The following PABPN1 variants were observed in gnomAD, a reference collection of about 807,000 sequenced individuals.
PABPN1 encodes polyadenylate-binding protein 2.
In PABPN1, 5 loss-of-function variants were observed where a neutral mutation model predicts 33.4. The ratio of observed to expected loss-of-function variants is 0.15; its 90% CI spans 0.08 to 0.32. The LOEUF is 0.32. Ranked by LOEUF, PABPN1 falls within the 10% of genes least tolerant of loss-of-function variation. PABPN1 has a pLI of 1.00. For synonymous variants in PABPN1, 176 were observed against 170.6 expected, an observed-to-expected ratio of 1.03 and a Z score of -0.25; for missense variants, 312 against 425.8, an observed-to-expected ratio of 0.73 and a Z score of 2.35.
chr14:23,322,141 C>T (rs1434201495), intron 1 of PABPN1, 40 bp from the exon 2 acceptor site: 3 of 1,566,826 alleles, frequency 1.9e-6, no homozygotes, highest in Non-Finnish European at 2.6e-6. Context: ...TGCGTTGGTT[C>T]CTCTTAAGCT....
In PABPN1 at chr14:23,325,344, A is replaced by AG; in HGVS notation, c.*59dup. 1 of 1,531,522 alleles carries AG rather than the reference A, an allele frequency of 6.5e-7. No individual in the cohort carries two copies. Among genetic ancestry groups the AG allele is most frequent in the Non-Finnish European group, 8.8e-7 (1 of 1,139,834 alleles). 94.9% of individuals were successfully genotyped at this position (1,531,522 alleles called of 1,614,324 possible). On this transcript the variant is annotated 3_prime_UTR_variant, in exon 7 of 7. Transcript: ENST00000216727. Reference sequence around the variant, plus strand: ...AAAAGAGGAAAGAAGGAAAAAAAAAAGAATTAAAAAAAAAAAAAAGAAAAA... The same window carrying AG: ...AAAAGAGGAAAGAAGGAAAAAAAAAAGGAATTAAAAAAAAAAAAAAGAAAAA...
rs771315390 is a variant in PABPN1, at chr14:23,324,328, C to A, written c.881+39C>A. The A allele has an allele frequency of 4.4e-5, 70 of 1,605,206 alleles. No individual in the cohort carries two copies. The Admixed American group carries it at 1.2e-3, about 27-fold the overall frequency. ...GGCTGCTCCTCTTTCCCCCGCCTCCCGTGAGCCCCGTATGCTTCCTCCTCT... is the reference window on the plus strand; with the variant it reads ...GGCTGCTCCTCTTTCCCCCGCCTCCAGTGAGCCCCGTATGCTTCCTCCTCT... On this transcript the variant is annotated intron_variant, in intron 6 of 6. Coordinates refer to ENST00000216727, the MANE Select transcript of PABPN1 (RefSeq NM_004643.4).
At chr14:23,322,453 C>A in intron 2 of PABPN1, 158 bp downstream of exon 2, 2 of 706,300 alleles carry the variant, frequency 2.8e-6, no homozygotes, top group Admixed American at 2.1e-5. Context: ...GTTCCTCTGA[C>A]CTTTGTGAGG....
rs924369291 is a variant in PABPN1 at position 23,321,659 on chromosome 14, C to A, written c.190C>A (p.Pro64Thr). The change falls in exon 1 of 7, where the codon CCC becomes ACC. Residue 64 changes from proline (P) to threonine (T), a missense_variant. Around this residue, in one of 3 missense-constraint regions of PABPN1, gnomAD observed 167 missense variants for 168.9 expected, o/e 0.99. Transcript: ENST00000216727. ...GGAGCCTGAGGAGCTGCTGCTGGAG[C>A]CCGAGCCGGAGCCCGAGCCCGAAGA... Reference protein sequence around the residue: ...ELEPEELLLEPEPEPEPEEEP... With the variant: ...ELEPEELLLETEPEPEPEEEP... 2 of 1,513,390 alleles carry A rather than the reference C, an allele frequency of 1.3e-6. No individual in the cohort carries two copies. The highest frequency in any genetic ancestry group is 2.8e-5 in the African/African-American group (2 of 71,616). 93.7% of individuals were successfully genotyped at this position (1,513,390 alleles called of 1,614,324 possible).
chr14:23,322,251 A>C lies in PABPN1; in HGVS notation c.422A>C (p.Asn141Thr). The C allele has an allele frequency of 6.2e-7, 1 of 1,610,492 alleles. No homozygotes were observed. The highest frequency in any genetic ancestry group is 8.5e-7 in the Non-Finnish European group (1 of 1,178,404). The part of the protein sequence containing the change: ...EEAEKLKELQ[N>T]EVEKQMNMSP... ...GCTGAGAAGCTAAAGGAGCTACAGA[A>C]CGAGGTAGAGAAGCAGATGAATATG... The change falls in exon 2 of 7, where the codon AAC becomes ACC. Residue 141 changes from asparagine to threonine, a missense_variant. Asn to Thr is a moderately conservative substitution (Grantham distance 65, BLOSUM62 0). Coordinates refer to ENST00000216727, the MANE Select transcript of PABPN1 (RefSeq NM_004643.4).
chr14:23,323,255 A>C, intron 3 of PABPN1, 122 bp from the exon 4 acceptor site: 1 of 1,286,860 alleles, frequency 7.8e-7, no homozygotes, highest in Non-Finnish European at 1.1e-6. Context: ...AAAGAGATTA[A>C]TTCCTCAAAT....
intron 2 of PABPN1, 166 bp downstream of exon 2, chr14:23,322,461 A>C (rs1888384378): frequency 2.9e-6 from 2 of 682,146 alleles, no homozygotes; most frequent in Non-Finnish European, 5.3e-6. Context: ...GACCTTTGTG[A>C]GGCAGAACGT....
intron 3 of PABPN1, 36 bp downstream of exon 3, chr14:23,323,102 GTTC>G (rs1888448948): frequency 6.2e-7 from 1 of 1,613,184 alleles, no homozygotes. Flanking sequence ...TTGGGGGCAA[GTTC>G]TTCTTTTGGG....
rs1227496363 is a variant in PABPN1, at chr14:23,322,068, G to C, written c.352-113G>C. On this transcript the variant is annotated intron_variant, in intron 1 of 6. Coordinates refer to ENST00000216727, the MANE Select transcript of PABPN1 (RefSeq NM_004643.4). Reference sequence around the variant, plus strand: ...TTTCTTTTATCACGACCCTCGCATGGGGCGAGGGAAATGGCCGAGCATGGC... The same window carrying C: ...TTTCTTTTATCACGACCCTCGCATGCGGCGAGGGAAATGGCCGAGCATGGC... 4.4e-6 allele frequency: 5 copies of C among 1,134,646 alleles called. No homozygotes were observed. In the Admixed American group the frequency reaches 6.0e-5, roughly 14 times the overall value. 70.3% of individuals were successfully genotyped at this position (1,134,646 alleles called of 1,614,324 possible).
At chr14:23,322,627 G>A (rs1888402759) in intron 2 of PABPN1, 1 of 459,462 alleles carries the variant, frequency 2.2e-6, no homozygotes, top group Admixed American at 3.5e-5. Flanking sequence ...AGACGCTTTA[G>A]GATTCTAAGA....
Position 23,321,826 on chromosome 14 carries a change from G to A in PABPN1, c.351+6G>A, listed in dbSNP as rs752613203. 1 of 1,468,024 alleles carries A rather than the reference G, an allele frequency of 6.8e-7. No individual in the cohort carries two copies. The highest frequency in any genetic ancestry group is 9.0e-7 in the Non-Finnish European group (1 of 1,110,426). 90.9% of individuals were successfully genotyped at this position (1,468,024 alleles called of 1,614,324 possible). A position where few individuals can be genotyped will look rare whatever the true frequency, so the allele number is the denominator to read the frequency against. On this transcript the variant is annotated splice_donor_region_variant and intron_variant, in intron 1 of 6. Transcript: ENST00000216727. ...ACGGCGCCATTGAGGACCCGGTGAG[G>A]GAAGGAGGGCGAGCGAGCAGGCCGG...
At position 23,325,774 on chromosome 14, in the gene PABPN1, T is replaced by C. The variant is rs14947; in HGVS notation, c.*488T>C. On this transcript the variant is annotated 3_prime_UTR_variant, in exon 7 of 7. Coordinates refer to ENST00000216727, the MANE Select transcript of PABPN1 (RefSeq NM_004643.4). ...TCTACCACCCACCCCACCCCTCTTC[T>C]CCGGCTCCCTGCCCCTCCAGATTGC... 1 of 155,270 alleles carries C rather than the reference T, an allele frequency of 6.4e-6. No individual in the cohort carries two copies. The highest frequency in any genetic ancestry group is 1.4e-5 in the Non-Finnish European group (1 of 69,968). 9.6% of individuals were successfully genotyped at this position (155,270 alleles called of 1,614,324 possible). A position where few individuals can be genotyped will look rare whatever the true frequency, so the allele number is the denominator to read the frequency against.
At chr14:23,322,145 T>C (rs768905300) in intron 1 of PABPN1, 36 bp from the exon 2 acceptor site, 2 of 1,573,716 alleles carry the variant, frequency 1.3e-6, no homozygotes, top group South Asian at 2.3e-5. Flanking sequence ...TTGGTTCCTC[T>C]TAAGCTGTCC....
In PABPN1 at chr14:23,323,070, C is replaced by T. The variant is rs556736927; in HGVS notation, c.534+4C>T. On this transcript the variant is annotated splice_donor_region_variant and intron_variant, in intron 3 of 6. Transcript: ENST00000216727. The stretch of plus-strand genomic sequence containing the variant: ...CCGTTCCATCTATGTTGGCAATGTA[C>T]GTACTGGGGCTCTGACTGGGGTTGG... The T allele has an allele frequency of 3.0e-5, 49 of 1,614,008 alleles. No homozygotes were observed. The East Asian group carries it at 4.5e-4, about 15-fold the overall frequency.
At position 23,321,525 on chromosome 14, in the gene PABPN1, C is replaced by G; in HGVS notation, c.56C>G (p.Ser19Cys). The G allele has an allele frequency of 1.6e-6, 2 of 1,263,110 alleles. No individual in the cohort carries two copies. Among genetic ancestry groups the G allele is most frequent in the Non-Finnish European group, 2.0e-6 (2 of 1,001,980 alleles). The allele number at this position is 1,263,110 out of a possible 1,614,324, so 78.2% of individuals were successfully genotyped here. ...GCGGGGGCTGCGGGCGGTCGGGGCT[C>G]CGGGCCGGGGCGGCGGCGCCATCTT... is the stretch of plus-strand genomic sequence containing the variant. ...AAAGAAGGRGSGPGRRRHLVP... is the reference protein window; with the variant it reads ...AAAGAAGGRGCGPGRRRHLVP... The change falls in exon 1 of 7, where the codon TCC (serine) becomes TGC (cysteine). Residue 19 changes from serine to cysteine, a missense_variant. Ser to Cys is a moderately radical substitution (Grantham distance 112). This residue lies in a region of PABPN1 where 167 missense variants were observed against 168.9 expected (regional missense o/e 0.99). Coordinates refer to ENST00000216727, the MANE Select transcript of PABPN1 (RefSeq NM_004643.4).
chr14:23,325,457 G>A lies in PABPN1; in HGVS notation c.*171G>A, dbSNP rs923573734. The stretch of plus-strand genomic sequence containing the variant: ...GAGAATCCCATAACTAACTGCTGAG[G>A]AGGGACCTGCTTTGGGGAGTAGGGG... On this transcript the variant is annotated 3_prime_UTR_variant, in exon 7 of 7. Transcript: ENST00000216727. The A allele has an allele frequency of 1.1e-6, 1 of 875,252 alleles. No homozygotes were observed. The highest frequency in any genetic ancestry group is 1.7e-5 in the African/African-American group (1 of 58,690). 54.2% of individuals were successfully genotyped at this position (875,252 alleles called of 1,614,324 possible). A position where few individuals can be genotyped will look rare whatever the true frequency, so the allele number is the denominator to read the frequency against.
At position 23,324,389 on chromosome 14, in the gene PABPN1, C is replaced by T. The variant is rs530858154; in HGVS notation, c.881+100C>T. Reference sequence around the variant, plus strand: ...GAACCTCCCTCCCCCCACCCCTCCCCGTGGTCTTCAGGAACTTTGTCTCCT... The same window carrying T: ...GAACCTCCCTCCCCCCACCCCTCCCTGTGGTCTTCAGGAACTTTGTCTCCT... On this transcript the variant is annotated intron_variant, in intron 6 of 6. Transcript: ENST00000216727. 2.1e-4 allele frequency: 270 copies of T among 1,312,318 alleles called. 1 individual carries two copies. The East Asian group carries it at 9.8e-3, about 47-fold the overall frequency. The allele number at this position is 1,312,318 out of a possible 1,614,324, so 81.3% of individuals were successfully genotyped here. A position where few individuals can be genotyped will look rare whatever the true frequency, so the allele number is the denominator to read the frequency against.
At chr14:23,323,286 G>T in intron 3 of PABPN1, 91 bp from the exon 4 acceptor site, 1 of 1,365,544 alleles carries the variant, frequency 7.3e-7, no homozygotes, top group Non-Finnish European at 1.0e-6. Flanking sequence ...CATGTGCTTT[G>T]GTGTATGATG....
intron 2 of PABPN1, 24 bp from the exon 3 acceptor site, chr14:23,322,975 T>TA: frequency 1.2e-6 from 2 of 1,614,174 alleles, no homozygotes; most frequent in Non-Finnish European, 1.7e-6. Flanking sequence ...GTGGTTTTTG[T>TA]AAAAAATTAT....
Sources: gnomAD v4.1 joint callset for allele counts on GRCh38, gnomAD v4.1.1 for gene constraint, gnomAD v4.1.1 regional missense constraint, MANE v1.5 for transcripts, NCBI Gene and HGNC (gene_info 2026-07-23, HGNC 2026-07-21) for gene names.